The following TARDBP variants were observed in gnomAD, a reference collection of about 807,000 sequenced individuals.
TARDBP encodes TAR DNA-binding protein 43.
A neutral mutation model predicts 38.3 loss-of-function variants in TARDBP; 4 were observed. That is an observed-to-expected ratio of 0.10 (90% CI 0.05 to 0.24). The LOEUF (loss-of-function observed/expected upper bound fraction) is 0.24, where lower values mean the gene tolerates loss of function less well. Ranked by LOEUF, TARDBP falls within the 10% of genes least tolerant of loss-of-function variation. TARDBP has a pLI of 1.00. For synonymous variants in TARDBP, 184 were observed against 183.8 expected (o/e 1.00, Z -0.01); for missense variants, 202 against 521.9 (o/e 0.39, Z 5.97).
At chr1:11,013,679 C>T (rs754798189) in intron 1 of TARDBP, 37 bp from the exon 2 acceptor site, 4 of 1,445,116 alleles carry the variant, frequency 2.8e-6, no homozygotes, top group Non-Finnish European at 2.9e-6. Flanking sequence ...GTTATTCTGA[C>T]ATGAATGTTG....
chr1:11,013,090 C>G (rs917182302), intron 1 of TARDBP, among the ~76,000 whole-genome samples: 2 of 152,244 alleles, frequency 1.3e-5, no homozygotes, highest in Non-Finnish European at 2.9e-5. Flanking sequence ...CCGAGAAACT[C>G]CTCCCTCGGC....
chr1:11,013,550 A>T (rs1643456926), intron 1 of TARDBP, among the ~76,000 whole-genome samples, 166 bp from the exon 2 acceptor site: 1 of 152,110 alleles, frequency 6.6e-6, no homozygotes, highest in Admixed American at 6.6e-5. Flanking sequence ...GGAAATCACT[A>T]CCCTTACCTT....
At chr1:11,030,114 T>C, downstream of TARDBP, 1 of 1,225,858 alleles carries the variant, frequency 8.2e-7, no homozygotes, top group Non-Finnish European at 1.2e-6. Flanking sequence ...CTCTCCTCAC[T>C]GTCTCCTACC....
At chr1:11,018,914 T>A in intron 4 of TARDBP, 41 bp downstream of exon 4, 1 of 1,613,598 alleles carries the variant, frequency 6.2e-7, no homozygotes, top group Non-Finnish European at 8.5e-7. Context: ...CCAACAAACT[T>A]CCTTAGAGGA....
chr1:11,030,497 TTGACTTGTTAAA>T (rs1643826074), exon 3 of TARDBP: 1 of 577,670 alleles, frequency 1.7e-6, no homozygotes, highest in East Asian at 2.9e-5. Flanking sequence ...TGATAAGGTG[TTGACTTGTTAAA>T]TTAAACCATT....
chr1:11,026,669 A>C, downstream of TARDBP: 1 of 384,210 alleles, frequency 2.6e-6, no homozygotes, highest in Non-Finnish European at 4.6e-6. Context: ...GATGACTGTC[A>C]CTCTCGTGGT....
Position 11,017,136 on chromosome 1 carries a change from T to C in TARDBP, c.402+129T>C, listed in dbSNP as rs901740143. Reference sequence around the variant, plus strand: ...TTCTGGCGTCAAACTCCTGGGCCCATACTGTCCTCCTGCCTCGACCCCAAT... The same window carrying C: ...TTCTGGCGTCAAACTCCTGGGCCCACACTGTCCTCCTGCCTCGACCCCAAT... On this transcript the variant is annotated intron_variant, in intron 3 of 5. Transcript: ENST00000240185. 5 of 959,712 alleles carry C rather than the reference T, an allele frequency of 5.2e-6. No individual in the cohort carries two copies. The African/African-American group carries it at 8.1e-5, about 16-fold the overall frequency. The allele number at this position is 959,712 out of a possible 1,614,324, so 59.4% of individuals were successfully genotyped here. A position where few individuals can be genotyped will look rare whatever the true frequency, so the allele number is the denominator to read the frequency against.
At position 11,020,584 on chromosome 1, in the gene TARDBP, A is replaced by G. The variant is rs745343269; in HGVS notation, c.699A>G (p.Thr233=). ...CATTCAGGGCCTTTGCCTTTGTTAC[A>G]TTTGCAGATGATCAGGTATTTTTCT... ...PKPFRAFAFV[T]FADDQIAQSL... is the part of the protein sequence containing the mutation. The change falls in exon 5 of 6, where the codon ACA becomes ACG. Residue 233 remains threonine, a synonymous_variant. Transcript: ENST00000240185. The G allele has an allele frequency of 3.1e-6, 5 of 1,613,682 alleles. No individual in the cohort carries two copies. Among genetic ancestry groups the G allele is most frequent in the Non-Finnish European group, 4.2e-6 (5 of 1,179,810 alleles).
At position 11,023,156 on chromosome 1, in the gene TARDBP, A is replaced by C. The variant is rs544313146; in HGVS notation, c.*502A>C. ...TTAACACTTGTCTCCCCTCATACAC[A>C]AAAGTACAATATGAAGCCTTCATTT... On this transcript the variant is annotated 3_prime_UTR_variant, in exon 6 of 6. Transcript: ENST00000240185. 3 of 1,548,576 alleles carry C rather than the reference A, an allele frequency of 1.9e-6. No homozygotes were observed. In the African/African-American group the frequency reaches 4.1e-5, roughly 21 times the overall value.
At position 11,022,836 on chromosome 1, in the gene TARDBP, T is replaced by C. The variant is rs1182293021; in HGVS notation, c.*182T>C. On this transcript the variant is annotated 3_prime_UTR_variant, in exon 6 of 6. Transcript: ENST00000240185. This position sits in a 1 kb window ranked among gnomAD's most constrained non-coding sequence, Gnocchi z 4.5. ...AGAAAAAGGAAGAGCTAAAGGAATT[T>C]TATAAGTTTTGTTACATGAAAGGTT... 24 of 1,374,358 alleles carry C rather than the reference T, an allele frequency of 1.7e-5. No homozygotes were observed. Among genetic ancestry groups the C allele is most frequent in the Non-Finnish European group, 2.0e-5 (21 of 1,063,584 alleles). 85.1% of individuals were successfully genotyped at this position (1,374,358 alleles called of 1,614,324 possible).
intron 3 of TARDBP, among the ~76,000 whole-genome samples, 170 bp downstream of exon 3, chr1:11,017,177 G>T (rs1021512231): frequency 6.7e-6 from 1 of 149,772 alleles, no homozygotes. Context: ...GAGCCACCAT[G>T]CCCAGCCACA....
chr1:11,027,169 CA>C, downstream of TARDBP: 16 of 1,614,138 alleles, frequency 9.9e-6, no homozygotes, highest in Non-Finnish European at 1.4e-5. Context: ...TGATGGTCAA[CA>C]ATCGGTATGT....
intron 4 of TARDBP, among the ~76,000 whole-genome samples, chr1:11,019,815 C>T (rs1452880264): frequency 1.3e-5 from 2 of 151,678 alleles, no homozygotes; most frequent in Non-Finnish European, 2.9e-5. Context: ...ATCCGCCCAT[C>T]TCGGGCTCCC....
chr1:11,013,653 T>C lies in TARDBP; in HGVS notation c.-12-63T>C. 12 of 1,354,804 alleles carry C rather than the reference T, an allele frequency of 8.9e-6. No homozygotes were observed. In the South Asian group the frequency reaches 1.1e-4, roughly 13 times the overall value. 83.9% of individuals were successfully genotyped at this position (1,354,804 alleles called of 1,614,324 possible). A position where few individuals can be genotyped will look rare whatever the true frequency, so the allele number is the denominator to read the frequency against. ...GAACTCTGACATGGTTTGGGTATTA[T>C]CATTATAAGGAAACAGTTATTCTGA... On this transcript the variant is annotated intron_variant, in intron 1 of 5. Coordinates refer to ENST00000240185, the MANE Select transcript of TARDBP (RefSeq NM_007375.4).
chr1:11,020,334 C>G, intron 4 of TARDBP, 95 bp from the exon 5 acceptor site: 4 of 1,480,880 alleles, frequency 2.7e-6, no homozygotes, highest in South Asian at 2.3e-5. Flanking sequence ...CACTGCTATC[C>G]AAGGCGAATG....
intron 3 of TARDBP, among the ~76,000 whole-genome samples, chr1:11,017,566 T>C (rs1440351397): frequency 1.3e-5 from 2 of 152,210 alleles, no homozygotes; most frequent in African/African-American, 2.4e-5. Context: ...ATATTTGTTA[T>C]ATTTATACAT....
In TARDBP at chr1:11,023,229, C is replaced by T; in HGVS notation, c.*575C>T. On this transcript the variant is annotated 3_prime_UTR_variant, in exon 6 of 6. Coordinates refer to ENST00000240185, the MANE Select transcript of TARDBP (RefSeq NM_007375.4). ...TCAAATGTTTATGGAAGAAGCACTTCATTGAAAGTAGTGCTGTAAATATTC... is the reference window on the plus strand; with the variant it reads ...TCAAATGTTTATGGAAGAAGCACTTTATTGAAAGTAGTGCTGTAAATATTC... 8 of 1,550,516 alleles carry T rather than the reference C, an allele frequency of 5.2e-6. No individual in the cohort carries two copies. Among genetic ancestry groups the T allele is most frequent in the Non-Finnish European group, 7.0e-6 (8 of 1,146,854 alleles).
rs1320210817 is a variant in TARDBP at position 11,025,326 on chromosome 1, C to T, written c.*2672C>T. On this transcript the variant is annotated 3_prime_UTR_variant, in exon 6 of 6. Transcript: ENST00000240185. ...GCCTTTTATTAACATGTTTATGGTA[C>T]TGCATAGATACGGGTATTTATTTTA... is the stretch of plus-strand genomic sequence containing the variant. 5 of 152,266 alleles carry T rather than the reference C, an allele frequency of 3.3e-5. No individual in the cohort carries two copies. The highest frequency in any genetic ancestry group is 1.2e-4 in the African/African-American group (5 of 41,386). The allele number at this position is 152,266 out of a possible 1,614,324, so 9.4% of individuals were successfully genotyped here.
At chr1:11,019,708 A>G (rs1342579348) in intron 4 of TARDBP, among the ~76,000 whole-genome samples, 1 of 151,978 alleles carries the variant, frequency 6.6e-6, no homozygotes, top group Non-Finnish European at 1.5e-5. Context: ...CTGGGACTAC[A>G]GGTGCCCACC....
Sources: allele counts gnomAD v4.1 joint callset (sites outside exome capture counted in the v4.1 genomes callset), GRCh38; gene constraint gnomAD v4.1.1; non-coding constraint Gnocchi (gnomAD v3.1); transcripts MANE v1.5; gene names NCBI Gene and HGNC (gene_info 2026-07-23, HGNC 2026-07-21).